SKAP1: variants seen among roughly 807,000 people sequenced by gnomAD.
SKAP1 encodes the protein src kinase-associated phosphoprotein 1.
Under a neutral mutation model 58.5 loss-of-function variants are expected in SKAP1, and 44 were observed. The observed-to-expected ratio is 0.75, with a 90% confidence interval of 0.59 to 0.97. The LOEUF is 0.97. Among genes scored for constraint, SKAP1 ranks in the 50% least tolerant of loss-of-function variants. SKAP1 has a pLI of 0.00. For synonymous variants in SKAP1, 127 were observed against 149.7 expected, an observed-to-expected ratio of 0.85 and a Z score of 1.11; for missense variants, 390 against 435.2, an observed-to-expected ratio of 0.90 and a Z score of 0.92.
chr17:48,432,378 G>A (rs549886175), upstream of SKAP1, among the ~76,000 whole-genome samples: 16 of 152,024 alleles, frequency 1.1e-4, no homozygotes, highest in African/African-American at 3.9e-4. Flanking sequence ...GCAGTGAGCC[G>A]AGATCAGGCC....
At chr17:48,371,053 T>TCA (rs1373234112) in intron 2 of SKAP1, among the ~76,000 whole-genome samples, 2 of 152,200 alleles carry the variant, frequency 1.3e-5, no homozygotes, top group East Asian at 3.8e-4. Flanking sequence ...CTGCATGTTC[T>TCA]CACTTATAAG....
intron 10 of SKAP1, among the ~76,000 whole-genome samples, chr17:48,165,702 C>G (rs1443045374): frequency 6.6e-6 from 1 of 152,016 alleles, no homozygotes; most frequent in African/African-American, 2.4e-5. Flanking sequence ...GCCCGGCCGA[C>G]TTTGATTTCT....
At chr17:48,255,429 T>C (rs1174259469) in intron 4 of SKAP1, among the ~76,000 whole-genome samples, 1 of 148,974 alleles carries the variant, frequency 6.7e-6, no homozygotes, top group Non-Finnish European at 1.5e-5. Context: ...TATATATATG[T>C]ATATATATAT....
At chr17:48,442,255 G>C in the SKAP1 span, among the ~76,000 whole-genome samples, 1 of 152,150 alleles carries the variant, frequency 6.6e-6, no homozygotes. Context: ...TACAGAAACT[G>C]TGTGGAATAG....
chr17:48,274,882 C>T (rs2065679541), intron 4 of SKAP1, among the ~76,000 whole-genome samples: 1 of 151,966 alleles, frequency 6.6e-6, no homozygotes, highest in Non-Finnish European at 1.5e-5. Flanking sequence ...CTCTTCCAGT[C>T]CTGTTTCCAA....
chr17:48,139,301 C>G (rs2063740066), intron 11 of SKAP1, among the ~76,000 whole-genome samples: 1 of 110,566 alleles, frequency 9.0e-6, no homozygotes, highest in Non-Finnish European at 2.1e-5. Flanking sequence ...TCTGCTTCAG[C>G]CTCCTGAGTA....
At chr17:48,435,917 T>TTGGG in the SKAP1 span, among the ~76,000 whole-genome samples, 2 of 152,152 alleles carry the variant, frequency 1.3e-5, no homozygotes, top group Non-Finnish European at 2.9e-5. Context: ...AACACTAGAG[T>TTGGG]CAGAGATAAA....
chr17:48,284,320 C>T (rs377134961), intron 4 of SKAP1, among the ~76,000 whole-genome samples: 28 of 152,278 alleles, frequency 1.8e-4, no homozygotes, highest in Non-Finnish European at 4.0e-4. Context: ...CAAATAAAAA[C>T]TTTATGGTGG....
chr17:48,357,036 A>G (rs1217221521), intron 3 of SKAP1, among the ~76,000 whole-genome samples: 1 of 152,148 alleles, frequency 6.6e-6, no homozygotes, highest in Non-Finnish European at 1.5e-5. Context: ...AACTCTATAT[A>G]GCATTCCATT....
Position 48,396,798 on chromosome 17 carries a change from G to A in SKAP1, c.47-13C>T. On this transcript the variant is annotated splice_polypyrimidine_tract_variant and intron_variant, in intron 1 of 12. Coordinates refer to ENST00000336915, the MANE Select transcript of SKAP1 (RefSeq NM_003726.4). The stretch of plus-strand genomic sequence containing the variant: ...AACTCTTCAGCATCTAAAAGAAAAG[G>A]AAAGTTGATAAAACAGAAAAGATGT... The A allele has an allele frequency of 6.3e-7, 1 of 1,593,262 alleles. No individual in the cohort carries two copies. Among genetic ancestry groups the A allele is most frequent in the African/African-American group, 1.3e-5 (1 of 74,316 alleles).
chr17:48,184,761 A>C lies in SKAP1; in HGVS notation c.529T>G (p.Cys177Gly). 2 of 1,614,098 alleles carry C rather than the reference A, an allele frequency of 1.2e-6. No individual in the cohort carries two copies. The highest frequency in any genetic ancestry group is 1.7e-6 in the Non-Finnish European group (2 of 1,179,984). Residue 177 changes from cysteine to glycine, a missense_variant, in exon 7 of 13, where the codon TGC becomes GGC. Transcript: ENST00000336915. Reference protein sequence around the residue: ...HLRRDSKKESCFELTSQDRRS... With the variant: ...HLRRDSKKESGFELTSQDRRS... ...CTATCCTGGGAGGTCAGTTCAAAGC[A>C]GGATTCTTTCTTGGAATCTCTTCGC...
At chr17:48,272,333 T>C (rs1485683002) in intron 4 of SKAP1, among the ~76,000 whole-genome samples, 3 of 151,966 alleles carry the variant, frequency 2.0e-5, no homozygotes, top group African/African-American at 4.8e-5. Context: ...GGTTTCACCA[T>C]GTTGGCCAGG....
At chr17:48,176,162 C>A (rs1445682803) in intron 9 of SKAP1, among the ~76,000 whole-genome samples, 1 of 152,166 alleles carries the variant, frequency 6.6e-6, no homozygotes, top group Non-Finnish European at 1.5e-5. Context: ...TTTATAATAA[C>A]ACCCTGGGGC....
rs2065468864 is a variant in SKAP1 at position 48,260,162 on chromosome 17, C to T, written c.281-70662G>A. On this transcript the variant is annotated intron_variant, in intron 4 of 12. Coordinates refer to ENST00000336915, the MANE Select transcript of SKAP1 (RefSeq NM_003726.4). The stretch of plus-strand genomic sequence containing the variant: ...GAGAGAAGTGTTGGACAATTGTTTC[C>T]CACAAATCTAAAAGAAATAATTAGG... Among the ~76,000 whole-genome samples, 4 of 151,962 alleles carry T rather than the reference C, an allele frequency of 2.6e-5. No homozygotes were observed. In the South Asian group the frequency reaches 8.3e-4, roughly 32 times the overall value.
In SKAP1 at chr17:48,326,015, A is replaced by AT. The variant is rs1555615798; in HGVS notation, c.280+19889_280+19890insA. 2.0e-5 allele frequency among the ~76,000 whole-genome samples: 3 copies of AT among 152,246 alleles called. No homozygotes were observed. The East Asian group carries it at 5.8e-4, about 29-fold the overall frequency. ...TTTGTATTGTCAAAAATGTACACAC[A>AT]CATCATCATCATTATCTTTGTGTGC... On this transcript the variant is annotated intron_variant, in intron 4 of 12. Coordinates refer to ENST00000336915, the MANE Select transcript of SKAP1 (RefSeq NM_003726.4).
At chr17:48,163,791 C>T (rs946168292) in intron 10 of SKAP1, among the ~76,000 whole-genome samples, 3 of 152,108 alleles carry the variant, frequency 2.0e-5, no homozygotes, top group Non-Finnish European at 2.9e-5. Context: ...TCCTGACTTA[C>T]GAGCAATTTA....
chr17:48,205,017 T>TTTCTTTC (rs1567819931), intron 4 of SKAP1, among the ~76,000 whole-genome samples: 23 of 25,502 alleles, frequency 9.0e-4, no homozygotes, highest in Non-Finnish European at 1.6e-3. Context: ...TTCTTTCTTT[T>TTTCTTTC]TCTTTCTTTC....
the SKAP1 span, among the ~76,000 whole-genome samples, chr17:48,443,417 G>A: frequency 1.3e-5 from 2 of 152,086 alleles, no homozygotes; most frequent in African/African-American, 2.4e-5. Flanking sequence ...GTGTATAGTA[G>A]GTCCTCAATA....
intron 3 of SKAP1, among the ~76,000 whole-genome samples, chr17:48,354,018 G>T (rs1188414310): frequency 6.6e-6 from 1 of 152,030 alleles, no homozygotes; most frequent in African/African-American, 2.4e-5. Flanking sequence ...GTAGATATAA[G>T]AAATGTTTTT....
Sources: gnomAD v4.1 joint callset for allele counts (sites outside exome capture counted in the v4.1 genomes callset) on GRCh38, gnomAD v4.1.1 for gene constraint, MANE v1.5 for transcripts, NCBI Gene and HGNC (gene_info 2026-07-23, HGNC 2026-07-21) for gene names.